The following DQX1 variants were observed in gnomAD, a reference collection of about 807,000 sequenced individuals.
DQX1 encodes the protein ATP-dependent RNA helicase homolog DQX1.
Under a neutral mutation model 81.3 loss-of-function variants are expected in DQX1, and 66 were observed. The ratio of observed to expected loss-of-function variants is 0.81; its 90% CI spans 0.67 to 1.00. DQX1 has a LOEUF of 1.00. Ranked by LOEUF, DQX1 falls within the 50% of genes least tolerant of loss-of-function variation. The probability of loss-of-function intolerance (pLI) is 0.00; values close to 1 mark genes in which losing one functional copy is unlikely to be tolerated. For missense variants in DQX1, 798 were observed against 867.9 expected (o/e 0.92, Z 1.01); for synonymous variants, 290 against 350.0 (o/e 0.83, Z 1.91).
rs781683792 is a variant in DQX1 at position 74,524,269 on chromosome 2, G to A, written c.470C>T (p.Ser157Leu). The A allele has an allele frequency of 1.2e-5, 19 of 1,613,556 alleles. No individual in the cohort carries two copies. The highest frequency in any genetic ancestry group is 5.5e-5 in the South Asian group (5 of 91,080). ...WDRLLLQEVA[S>L]TRGTGAWGVL... is the part of the protein sequence containing the mutation. ...GCCCCAGGCTCCAGTGCCTCGGGTC[G>A]AGGCCACCTCCTGCAGAAGCAGCCT... Residue 157 changes from serine to leucine, a missense_variant, in exon 4 of 12, where the codon TCG (serine) becomes TTG (leucine). Coordinates refer to ENST00000404568, the MANE Select transcript of DQX1 (RefSeq NM_133637.3).
intron 9 of DQX1, 67 bp downstream of exon 9, chr2:74,519,848 C>T (rs1674980112): frequency 4.4e-6 from 7 of 1,601,802 alleles, no homozygotes; most frequent in African/African-American, 2.7e-5. Flanking sequence ...AGAGATCTGT[C>T]AGCTGGCTGC....
At chr2:74,526,023 G>A in intron 1 of DQX1, 113 bp downstream of exon 1, 3 of 377,000 alleles carry the variant, frequency 8.0e-6, no homozygotes, top group African/African-American at 2.0e-5. Context: ...CTCAAGGGCA[G>A]TAGAAATTAT....
intron 8 of DQX1, 91 bp downstream of exon 8, chr2:74,522,489 A>T: frequency 2.7e-6 from 4 of 1,470,614 alleles, no homozygotes; most frequent in South Asian, 1.4e-5. Context: ...ACTGGAGCAG[A>T]GAGGAAAGGG....
intron 11 of DQX1, 74 bp downstream of exon 11, chr2:74,518,966 C>T (rs1220429715): frequency 2.9e-6 from 4 of 1,402,916 alleles, no homozygotes; most frequent in East Asian, 2.3e-5. Context: ...TCCTCTGTCT[C>T]TCTAACTCCC....
chr2:74,522,965 T>G lies in DQX1; in HGVS notation c.1194A>C (p.Pro398=). Residue 398 remains proline, a synonymous_variant, in exon 7 of 12, where the codon CCA becomes CCC. Transcript: ENST00000404568. ...YPKSFLELEA[P]PLPQPRVCEE... The stretch of plus-strand genomic sequence containing the variant: ...CACACACCCTGGGTTGTGGCAATGG[T>G]GGAGCTTCTAGTTCTAAGAAGGACT... 6.2e-7 allele frequency: 1 copy of G among 1,614,088 alleles called. No homozygotes were observed. The highest frequency in any genetic ancestry group is 8.5e-7 in the Non-Finnish European group (1 of 1,180,000).
chr2:74,525,368 T>C lies in DQX1; in HGVS notation c.237+125A>G. 7.9e-7 allele frequency: 1 copy of C among 1,265,800 alleles called. No individual in the cohort carries two copies. The highest frequency in any genetic ancestry group is 1.1e-6 in the Non-Finnish European group (1 of 924,072). The allele number at this position is 1,265,800 out of a possible 1,614,324, so 78.4% of individuals were successfully genotyped here. On this transcript the variant is annotated intron_variant, in intron 2 of 11. Coordinates refer to ENST00000404568, the MANE Select transcript of DQX1 (RefSeq NM_133637.3). The surrounding 1 kb of genome is among the most constrained non-coding windows in gnomAD (Gnocchi z 4.1). ...CCCATCCCATCTCTCTTCGTTCACC[T>C]TCCTCATGACCCCACGCAGCCCAGT...
At position 74,523,476 on chromosome 2, in the gene DQX1, A is replaced by T; in HGVS notation, c.878T>A (p.Leu293His). Residue 293 changes from leucine to histidine, a missense_variant, in exon 5 of 12, where the codon CTT (leucine) becomes CAT (histidine). Coordinates refer to ENST00000404568, the MANE Select transcript of DQX1 (RefSeq NM_133637.3). ...GTGAAGGGGCAGTACTCGTGGTGGA[A>T]GCCCTTGGAGAAGCAAGGACTCTAC... Reference protein sequence around the residue: ...REVESLLLQGLPPRVLPLHPD... With the variant: ...REVESLLLQGHPPRVLPLHPD... 1 of 1,614,020 alleles carries T rather than the reference A, an allele frequency of 6.2e-7. No individual in the cohort carries two copies.
Position 74,522,997 on chromosome 2 carries a change from A to G in DQX1, c.1162T>C (p.Tyr388His). Reference protein sequence around the residue: ...GFPPGSCLCLYPKSFLELEAP... With the variant: ...GFPPGSCLCLHPKSFLELEAP... ...TCTAGTTCTAAGAAGGACTTAGGAT[A>G]CAGGCAGAGGCAGGATCCTGAGGGG... The change falls in exon 7 of 12, where the codon TAT (tyrosine) becomes CAT (histidine). Residue 388 changes from tyrosine (Y) to histidine (H), a missense_variant. Tyr to His is a moderately conservative substitution (Grantham distance 83). Transcript: ENST00000404568. 1 of 1,614,206 alleles carries G rather than the reference A, an allele frequency of 6.2e-7. No individual in the cohort carries two copies. The highest frequency in any genetic ancestry group is 1.3e-5 in the African/African-American group (1 of 75,054).
rs1467973515 is a variant in DQX1 at position 74,524,231 on chromosome 2, C to G, written c.508G>C (p.Asp170His). The G allele has an allele frequency of 1.2e-6, 2 of 1,614,126 alleles. No individual in the cohort carries two copies. The highest frequency in any genetic ancestry group is 3.3e-5 in the Admixed American group (2 of 60,014). ...GTGAWGVLVL[D>H]EAQERSVASD... is the part of the protein sequence containing the mutation. ...GCCACCGACCGCTCCTGAGCCTCATCTAGTACCAGCACGCCCCAGGCTCCA... is the reference window on the plus strand; with the variant it reads ...GCCACCGACCGCTCCTGAGCCTCATGTAGTACCAGCACGCCCCAGGCTCCA... Residue 170 changes from aspartate (D) to histidine (H), a missense_variant, in exon 4 of 12, where the codon GAT (aspartate) becomes CAT (histidine). Coordinates refer to ENST00000404568, the MANE Select transcript of DQX1 (RefSeq NM_133637.3).
intron 3 of DQX1, 66 bp downstream of exon 3, chr2:74,524,943 A>G (rs1676153074): frequency 1.3e-6 from 2 of 1,531,838 alleles, no homozygotes; most frequent in Non-Finnish European, 1.8e-6. Flanking sequence ...GAGATGCCAG[A>G]GGAATGGGTT....
intron 3 of DQX1, 81 bp from the exon 4 acceptor site, chr2:74,524,388 G>T (rs1291605117): frequency 2.0e-6 from 3 of 1,512,078 alleles, no homozygotes; most frequent in Non-Finnish European, 2.6e-6. Flanking sequence ...CTCCCCAAGG[G>T]ACGTATATTT....
At position 74,525,018 on chromosome 2, in the gene DQX1, G is replaced by T. The variant is rs1328456516; in HGVS notation, c.422C>A (p.Thr141Asn). 2.5e-6 allele frequency: 4 copies of T among 1,613,902 alleles called. No individual in the cohort carries two copies. Among genetic ancestry groups the T allele is most frequent in the Admixed American group, 1.7e-5 (1 of 60,024 alleles). Residue 141 changes from threonine (T) to asparagine (N), a missense_variant, in exon 3 of 12, where the codon ACC (threonine) becomes AAC (asparagine). Thr to Asn is a moderately conservative substitution (Grantham distance 65). Transcript: ENST00000404568. The surrounding 1 kb of genome is among the most constrained non-coding windows in gnomAD (Gnocchi z 4.1). ...CTGCAGAGGCCCCCACCTGAGCAGGGTGTTGGGCCCCGTGCAGTCCTCCTG... is the reference window on the plus strand; with the variant it reads ...CTGCAGAGGCCCCCACCTGAGCAGGTTGTTGGGCCCCGTGCAGTCCTCCTG... ...IPQEDCTGPNTLLRFCWDRLL... is the reference protein window; with the variant it reads ...IPQEDCTGPNNLLRFCWDRLL...
In DQX1 at chr2:74,518,172, C is replaced by T. The variant is rs1313052978; in HGVS notation, c.*274G>A. ...ATCTTTTATAGATCACAAGGGAGTACAAGAATGGGTTTGGCAAAGTTAAGA... is the reference window on the plus strand; with the variant it reads ...ATCTTTTATAGATCACAAGGGAGTATAAGAATGGGTTTGGCAAAGTTAAGA... On this transcript the variant is annotated 3_prime_UTR_variant, in exon 12 of 12. Coordinates refer to ENST00000404568, the MANE Select transcript of DQX1 (RefSeq NM_133637.3). The T allele has an allele frequency of 1.3e-5, 5 of 384,678 alleles. No homozygotes were observed. Among genetic ancestry groups the T allele is most frequent in the African/African-American group, 2.0e-5 (1 of 49,292 alleles). 23.8% of individuals were successfully genotyped at this position (384,678 alleles called of 1,614,324 possible).
intron 8 of DQX1, among the ~76,000 whole-genome samples, 200 bp downstream of exon 8, chr2:74,522,380 A>G (rs1032672677): frequency 1.3e-5 from 2 of 152,174 alleles, no homozygotes; most frequent in Non-Finnish European, 2.9e-5. Flanking sequence ...GAGAGATTTA[A>G]GCATGCTGAG....
In DQX1 at chr2:74,523,549, G is replaced by A. The variant is rs1000944255; in HGVS notation, c.817-12C>T. On this transcript the variant is annotated splice_polypyrimidine_tract_variant and intron_variant, in intron 4 of 11. Transcript: ENST00000404568. ...CACAGGGAAATTTCCTGAGAAGAAG[G>A]GTGGGTGGGGCATTAGGGCAGTTCT... The A allele has an allele frequency of 1.2e-6, 2 of 1,612,012 alleles. No individual in the cohort carries two copies. The highest frequency in any genetic ancestry group is 1.7e-6 in the Non-Finnish European group (2 of 1,178,530).
intron 8 of DQX1, among the ~76,000 whole-genome samples, chr2:74,521,634 AG>A (rs1165767022): frequency 2.0e-5 from 3 of 150,020 alleles, no homozygotes; most frequent in Non-Finnish European, 4.4e-5. Context: ...TGGGTGACAG[AG>A]TGAGACTTTG....
chr2:74,525,845 T>C lies in DQX1; in HGVS notation c.-19-97A>G. The C allele has an allele frequency of 2.4e-6, 2 of 843,672 alleles. No homozygotes were observed. The highest frequency in any genetic ancestry group is 3.6e-6 in the Non-Finnish European group (2 of 550,208). 52.3% of individuals were successfully genotyped at this position (843,672 alleles called of 1,614,324 possible). A position where few individuals can be genotyped will look rare whatever the true frequency, so the allele number is the denominator to read the frequency against. On this transcript the variant is annotated intron_variant, in intron 1 of 11. Coordinates refer to ENST00000404568, the MANE Select transcript of DQX1 (RefSeq NM_133637.3). This position sits in a 1 kb window ranked among gnomAD's most constrained non-coding sequence, Gnocchi z 4.1. Reference sequence around the variant, plus strand: ...CTTAACCTCTACCTTCAGTTGATCATGCTCTGGGGCCCACCCTTCCCAGCA... The same window carrying C: ...CTTAACCTCTACCTTCAGTTGATCACGCTCTGGGGCCCACCCTTCCCAGCA...
chr2:74,519,246 A>T lies in DQX1; in HGVS notation c.1807-16T>A. 6.5e-7 allele frequency: 1 copy of T among 1,540,356 alleles called. No individual in the cohort carries two copies. Among genetic ancestry groups the T allele is most frequent in the Non-Finnish European group, 8.7e-7 (1 of 1,144,710 alleles). On this transcript the variant is annotated splice_polypyrimidine_tract_variant and intron_variant, in intron 10 of 11. Transcript: ENST00000404568. Reference sequence around the variant, plus strand: ...CTCTGGCCACCTTATTGAAAGGCAGAAATATTGACGGAATAAATAAAAGGG... The same window carrying T: ...CTCTGGCCACCTTATTGAAAGGCAGTAATATTGACGGAATAAATAAAAGGG...
chr2:74,524,314 A>G lies in DQX1; in HGVS notation c.432-7T>C. 1 of 1,606,880 alleles carries G rather than the reference A, an allele frequency of 6.2e-7. No individual in the cohort carries two copies. ...CAGCCTGTCCCAGCAGAACCTGTTG[A>G]CATTGGTAGTGGGCAGAGGAATCAG... On this transcript the variant is annotated splice_polypyrimidine_tract_variant and splice_region_variant and intron_variant, in intron 3 of 11. Transcript: ENST00000404568.
Sources: allele counts gnomAD v4.1 joint callset (sites outside exome capture counted in the v4.1 genomes callset), GRCh38; gene constraint gnomAD v4.1.1; non-coding constraint Gnocchi (gnomAD v3.1); transcripts MANE v1.5; gene names NCBI Gene and HGNC (gene_info 2026-07-23, HGNC 2026-07-21).